Variants in GATA2 observed in about 807,000 individuals in gnomAD.
The protein encoded by GATA2 is endothelial transcription factor GATA-2.
A neutral mutation model predicts 35.7 loss-of-function variants in GATA2; 6 were observed. That is an observed-to-expected ratio of 0.17 (90% CI 0.09 to 0.33). The LOEUF (loss-of-function observed/expected upper bound fraction) is 0.33. Ranked by LOEUF, GATA2 falls within the 10% of genes least tolerant of loss-of-function variation. GATA2 has a pLI of 1.00. For missense variants in GATA2, 541 were observed against 656.6 expected (o/e 0.82, Z 1.92); for synonymous variants, 313 against 274.9 (o/e 1.14, Z -1.37).
At position 128,485,900 on chromosome 3, in the gene GATA2, A is replaced by G. The variant is rs1377041124; in HGVS notation, c.698T>C (p.Leu233Pro). 1.2e-6 allele frequency: 2 copies of G among 1,613,956 alleles called. No individual in the cohort carries two copies. Among genetic ancestry groups the G allele is most frequent in the Non-Finnish European group, 1.7e-6 (2 of 1,179,972 alleles). ...MESGSPLRPG[L>P]ATMGTQPATH... ...AGCAGGCTGGGTGCCCATAGTAGCT[A>G]GGCCTGGGCGCAGGGGACTGCCACT... The change falls in exon 3 of 6, where the codon CTA becomes CCA. Residue 233 changes from leucine to proline, a missense_variant. Coordinates refer to ENST00000341105, the MANE Select transcript of GATA2 (RefSeq NM_032638.5).
intron 3 of GATA2, among the ~76,000 whole-genome samples, chr3:128,484,456 T>A (rs2068669618): frequency 6.6e-6 from 1 of 152,136 alleles, no homozygotes; most frequent in Admixed American, 6.5e-5. Context: ...CCCAACTGTG[T>A]CTGCCCCACC....
rs543096184 is a variant in GATA2 at position 128,491,947 on chromosome 3, T to C, written c.-46+952A>G. ...TCGTTAGGCACAATTTGTCTGCAATTTGTCAGCCCGGCTGGGAAACGCTCC... is the reference window on the plus strand; with the variant it reads ...TCGTTAGGCACAATTTGTCTGCAATCTGTCAGCCCGGCTGGGAAACGCTCC... On this transcript the variant is annotated intron_variant, in intron 1 of 5. Transcript: ENST00000341105. 4.6e-5 allele frequency: 7 copies of C among 152,318 alleles called. No homozygotes were observed. The South Asian group carries it at 1.2e-3, about 27-fold the overall frequency. 9.4% of individuals were successfully genotyped at this position (152,318 alleles called of 1,614,324 possible). A position where few individuals can be genotyped will look rare whatever the true frequency, so the allele number is the denominator to read the frequency against.
chr3:128,481,378 C>A, intron 5 of GATA2, 60 bp from the exon 6 acceptor site: 1 of 1,573,428 alleles, frequency 6.4e-7, no homozygotes, highest in South Asian at 1.1e-5. Flanking sequence ...ATTCCTCCCA[C>A]CCCGCCACAG....
chr3:128,481,662 G>C (rs1334163434), intron 5 of GATA2, among the ~76,000 whole-genome samples, 157 bp downstream of exon 5: 1 of 152,152 alleles, frequency 6.6e-6, no homozygotes, highest in Non-Finnish European at 1.5e-5. Flanking sequence ...CAGAGGCAAG[G>C]CACCCCTCTT....
chr3:128,486,129 C>T lies in GATA2; in HGVS notation c.469G>A (p.Ala157Thr). The part of the protein sequence containing the change: ...GSGGGSGSSV[A>T]SLTPTAAHSG... The stretch of plus-strand genomic sequence containing the variant: ...TGGGCTGCTGTAGGGGTGAGGGAGG[C>T]CACTGAGCTCCCGCTGCCTCCCCCG... Residue 157 changes from alanine (A) to threonine (T), a missense_variant, in exon 3 of 6, where the codon GCC (alanine) becomes ACC (threonine). This residue lies in a region of GATA2 where 389 missense variants were observed against 396.9 expected (regional missense o/e 0.98). Coordinates refer to ENST00000341105, the MANE Select transcript of GATA2 (RefSeq NM_032638.5). 6.2e-7 allele frequency: 1 copy of T among 1,607,022 alleles called. No homozygotes were observed. Among genetic ancestry groups the T allele is most frequent in the African/African-American group, 1.3e-5 (1 of 74,974 alleles).
At chr3:128,481,993 G>A (rs762792765) in intron 4 of GATA2, 49 bp from the exon 5 acceptor site, 21 of 1,605,858 alleles carry the variant, frequency 1.3e-5, no homozygotes, top group East Asian at 2.2e-5. Context: ...CGCCCACCTC[G>A]ACCCCCCTCC....
intron 2 of GATA2, 104 bp from the exon 3 acceptor site, chr3:128,486,472 A>C (rs1036847892): frequency 6.5e-6 from 9 of 1,388,106 alleles, no homozygotes; most frequent in African/African-American, 1.4e-5. Context: ...CAGAACCAGC[A>C]GTCATCCCCT....
In GATA2 at chr3:128,480,847, G is replaced by T; in HGVS notation, c.*172C>A. ...CAGGTGCGGAGGCAGCCTCTCAGCGGTGGGGAACATTCACAGTAACTGCTG... is the reference window on the plus strand; with the variant it reads ...CAGGTGCGGAGGCAGCCTCTCAGCGTTGGGGAACATTCACAGTAACTGCTG... On this transcript the variant is annotated 3_prime_UTR_variant, in exon 6 of 6. Coordinates refer to ENST00000341105, the MANE Select transcript of GATA2 (RefSeq NM_032638.5). 1 of 712,890 alleles carries T rather than the reference G, an allele frequency of 1.4e-6. No homozygotes were observed. 44.2% of individuals were successfully genotyped at this position (712,890 alleles called of 1,614,324 possible). A position where few individuals can be genotyped will look rare whatever the true frequency, so the allele number is the denominator to read the frequency against.
At position 128,480,283 on chromosome 3, in the gene GATA2, A is replaced by G. The variant is rs1559984120; in HGVS notation, c.*736T>C. ...GCTGTGGCTTGCGCTCAGTAAGGGG[A>G]CACAGTCACAGCAGCTTCGGCCTCA... On this transcript the variant is annotated 3_prime_UTR_variant, in exon 6 of 6. Transcript: ENST00000341105. 2 of 233,214 alleles carry G rather than the reference A, an allele frequency of 8.6e-6. No individual in the cohort carries two copies. Among genetic ancestry groups the G allele is most frequent in the Non-Finnish European group, 1.7e-5 (2 of 118,070 alleles). 14.4% of individuals were successfully genotyped at this position (233,214 alleles called of 1,614,324 possible). A position where few individuals can be genotyped will look rare whatever the true frequency, so the allele number is the denominator to read the frequency against.
At position 128,480,114 on chromosome 3, in the gene GATA2, T is replaced by C; in HGVS notation, c.*905A>G. On this transcript the variant is annotated 3_prime_UTR_variant, in exon 6 of 6. Transcript: ENST00000341105. The stretch of plus-strand genomic sequence containing the variant: ...TACAATCAACTGGACCCAAAAAGAG[T>C]TTAAAAATAAAACAATTAACTCATC... 4.3e-6 allele frequency: 1 copy of C among 233,070 alleles called. No homozygotes were observed. The highest frequency in any genetic ancestry group is 8.5e-6 in the Non-Finnish European group (1 of 117,984). The allele number at this position is 233,070 out of a possible 1,614,324, so 14.4% of individuals were successfully genotyped here.
At chr3:128,482,058 T>C in intron 4 of GATA2, 114 bp from the exon 5 acceptor site, 1 of 1,339,952 alleles carries the variant, frequency 7.5e-7, no homozygotes, top group Non-Finnish European at 1.0e-6. Flanking sequence ...GGGCTAAATC[T>C]CACATGGGAA....
At chr3:128,484,182 G>A (rs550972401) in intron 3 of GATA2, among the ~76,000 whole-genome samples, 177 bp from the exon 4 acceptor site, 1 of 152,248 alleles carries the variant, frequency 6.6e-6, no homozygotes, top group Non-Finnish European at 1.5e-5. Context: ...TCCCACATGG[G>A]AGGGGGCACA....
chr3:128,486,356 C>G lies in GATA2; in HGVS notation c.242G>C (p.Gly81Ala), dbSNP rs1060500083. ...SYSPAHARLTGGQMCRPHLLH... is the reference protein window; with the variant it reads ...SYSPAHARLTAGQMCRPHLLH... ...CAAGTGTGGGCGGCACATCTGGCCT[C>G]CGGTCAGGCGGGCTGCGGGCAAAGA... Residue 81 changes from glycine to alanine, a missense_variant, in exon 3 of 6, where the codon GGA becomes GCA. By Grantham distance (60) the Gly-to-Ala change is moderately conservative (BLOSUM62 0). Coordinates refer to ENST00000341105, the MANE Select transcript of GATA2 (RefSeq NM_032638.5). The G allele has an allele frequency of 2.1e-5, 33 of 1,601,704 alleles. No individual in the cohort carries two copies. The highest frequency in any genetic ancestry group is 2.8e-5 in the Non-Finnish European group (33 of 1,177,952).
intron 5 of GATA2, 62 bp downstream of exon 5, chr3:128,481,757 G>A: frequency 6.4e-7 from 1 of 1,567,840 alleles, no homozygotes; most frequent in South Asian, 1.1e-5. Context: ...CCTCTTGCCT[G>A]GCAGCACAAA....
At position 128,491,208 on chromosome 3, in the gene GATA2, G is replaced by GCC. The variant is rs373070119; in HGVS notation, c.-46+1689_-46+1690dup. Among the ~76,000 whole-genome samples the GCC allele has an allele frequency of 8.8e-4, 94 of 107,346 alleles. 4 individuals carry two copies. Among genetic ancestry groups the GCC allele is most frequent in the African/African-American group, 3.5e-3 (85 of 24,186 alleles). The allele number at this position is 107,346 out of a possible 152,430, so 70.4% of individuals were successfully genotyped here. On this transcript the variant is annotated intron_variant, in intron 1 of 5. Coordinates refer to ENST00000341105, the MANE Select transcript of GATA2 (RefSeq NM_032638.5). ...ATGCCCAGGTCTCCCCGGCCGTCCA[G>GCC]CCCCCCCCCCCCTCTGAGCCCTTTG...
rs113384352 is a variant in GATA2 at position 128,486,966 on chromosome 3, G to C, written c.66C>G (p.Pro22=). Residue 22 remains proline, a synonymous_variant, in exon 2 of 6, where the codon CCC becomes CCG. Coordinates refer to ENST00000341105, the MANE Select transcript of GATA2 (RefSeq NM_032638.5). ...AHPAVLNAQH[P]DSHHPGLAHN... ...GCGCCAGGCCCGGGTGGTGTGAGTC[G>C]GGGTGCTGCGCATTCAGCACGGCCG... 4.4e-4 allele frequency: 717 copies of C among 1,611,640 alleles called. 4 individuals are homozygous for C. In the African/African-American group the frequency reaches 8.4e-3, roughly 19 times the overall value.
At chr3:128,485,386 C>A (rs905919991) in intron 3 of GATA2, among the ~76,000 whole-genome samples, 1 of 152,154 alleles carries the variant, frequency 6.6e-6, no homozygotes, top group East Asian at 1.9e-4. Context: ...ACTTCCCTCG[C>A]TTCACATACT....
intron 5 of GATA2, 142 bp from the exon 6 acceptor site, chr3:128,481,460 C>CTGGTGATGGG: frequency 2.1e-6 from 2 of 937,542 alleles, no homozygotes; most frequent in Non-Finnish European, 3.4e-6. Context: ...ATAGTCCCAT[C>CTGGTGATGGG]ACCAGATGGC....
At position 128,480,856 on chromosome 3, in the gene GATA2, A is replaced by G. The variant is rs2068616702; in HGVS notation, c.*163T>C. ...AGGCAGCCTCTCAGCGGTGGGGAACATTCACAGTAACTGCTGGCAGGCTGC... is the reference window on the plus strand; with the variant it reads ...AGGCAGCCTCTCAGCGGTGGGGAACGTTCACAGTAACTGCTGGCAGGCTGC... On this transcript the variant is annotated 3_prime_UTR_variant, in exon 6 of 6. Transcript: ENST00000341105. 5.2e-6 allele frequency: 4 copies of G among 771,442 alleles called. No homozygotes were observed. The South Asian group carries it at 6.0e-5, about 12-fold the overall frequency. The allele number at this position is 771,442 out of a possible 1,614,324, so 47.8% of individuals were successfully genotyped here.
Sources: gnomAD v4.1 joint callset for allele counts (sites outside exome capture counted in the v4.1 genomes callset) on GRCh38, gnomAD v4.1.1 for gene constraint, gnomAD v4.1.1 regional missense constraint, MANE v1.5 for transcripts, NCBI Gene and HGNC (gene_info 2026-07-23, HGNC 2026-07-21) for gene names.